The following STIMATE variants were observed in gnomAD, a reference collection of about 807,000 sequenced individuals.
STIMATE encodes store-operated calcium entry regulator STIMATE.
Under a neutral mutation model 36.7 loss-of-function variants are expected in STIMATE, and 15 were observed. That is an observed-to-expected ratio of 0.41 (90% confidence interval 0.27 to 0.63). STIMATE has a LOEUF of 0.63. Ranked by LOEUF, STIMATE falls within the 20% of genes least tolerant of loss-of-function variation. The pLI is 0.32. For missense variants in STIMATE, 305 were observed against 397.3 expected (o/e 0.77, Z 1.98); for synonymous variants, 163 against 162.3 (o/e 1.00, Z -0.03).
intron 1 of STIMATE, among the ~76,000 whole-genome samples, chr3:52,868,932 C>T (rs992647162): frequency 2.0e-5 from 3 of 152,080 alleles, no homozygotes; most frequent in African/African-American, 4.8e-5. Flanking sequence ...ACCTCAGGAA[C>T]GTTATATCAT....
At chr3:52,843,202 G>C in intron 6 of STIMATE, 1 of 691,238 alleles carries the variant, frequency 1.4e-6, no homozygotes, top group East Asian at 3.3e-5. Context: ...TTTTGTTGTG[G>C]TAACTAGGGG....
chr3:52,847,512 G>T, intron 4 of STIMATE: 1 of 1,289,786 alleles, frequency 7.8e-7, no homozygotes, highest in Non-Finnish European at 1.0e-6. Context: ...TTATTTCCCT[G>T]AGTCCCGCAT....
chr3:52,892,741 G>A (rs1241839778), intron 1 of STIMATE, among the ~76,000 whole-genome samples: 3 of 152,192 alleles, frequency 2.0e-5, no homozygotes, highest in Admixed American at 6.5e-5. Context: ...GTACCTTTAC[G>A]AGGGAGAGAC....
At chr3:52,877,172 T>G (rs1444925056) in intron 1 of STIMATE, among the ~76,000 whole-genome samples, 1 of 152,220 alleles carries the variant, frequency 6.6e-6, no homozygotes, top group Admixed American at 6.5e-5. Context: ...CTCACGCTTT[T>G]GGGCAACCCA....
chr3:52,880,661 C>T lies in STIMATE; in HGVS notation c.160+16630G>A, dbSNP rs1403240302. Reference sequence around the variant, plus strand: ...AAAGGGCTCATAGGAAAAGGGAGATCCATCAACTGCCTCCTTACAAAGGAG... The same window carrying T: ...AAAGGGCTCATAGGAAAAGGGAGATTCATCAACTGCCTCCTTACAAAGGAG... On this transcript the variant is annotated intron_variant, in intron 1 of 7. Coordinates refer to ENST00000355083, the MANE Select transcript of STIMATE (RefSeq NM_198563.5). 2.0e-5 allele frequency among the ~76,000 whole-genome samples: 3 copies of T among 152,250 alleles called. No individual in the cohort carries two copies. The East Asian group carries it at 5.8e-4, about 29-fold the overall frequency.
intron 5 of STIMATE, among the ~76,000 whole-genome samples, chr3:52,844,337 C>T (rs1327083962): frequency 6.6e-6 from 1 of 152,142 alleles, no homozygotes; most frequent in Non-Finnish European, 1.5e-5. Context: ...TGTGGGCATT[C>T]GGGGATGAGG....
intron 1 of STIMATE, among the ~76,000 whole-genome samples, chr3:52,892,457 T>C (rs1029665781): frequency 6.6e-6 from 1 of 152,126 alleles, no homozygotes; most frequent in African/African-American, 2.4e-5. Flanking sequence ...CAACACCAGC[T>C]TGGCATGAAA....
At chr3:52,840,646 C>T (rs1700780947) in intron 7 of STIMATE, 36 bp from the exon 8 acceptor site, 2 of 1,591,040 alleles carry the variant, frequency 1.3e-6, no homozygotes, top group Non-Finnish European at 1.7e-6. Context: ...GAGTCACCCC[C>T]AGCAGGGCCT....
At chr3:52,883,189 T>C (rs757298136) in intron 1 of STIMATE, among the ~76,000 whole-genome samples, 2 of 152,210 alleles carry the variant, frequency 1.3e-5, no homozygotes, top group Non-Finnish European at 2.9e-5. Context: ...TCTGCTTTCA[T>C]TTATAAAAGG....
intron 2 of STIMATE, among the ~76,000 whole-genome samples, chr3:52,854,367 A>G (rs1191095571): frequency 1.3e-5 from 2 of 152,144 alleles, no homozygotes; most frequent in East Asian, 3.9e-4. Flanking sequence ...CTAATCCCCC[A>G]CCCTCCAGGG....
At chr3:52,877,234 C>A (rs2106712637) in intron 1 of STIMATE, among the ~76,000 whole-genome samples, 1 of 152,338 alleles carries the variant, frequency 6.6e-6, no homozygotes, top group East Asian at 1.9e-4. Flanking sequence ...AGGAAGAAAG[C>A]CCATGTTTAC....
At chr3:52,843,354 C>T (rs910056347) in intron 6 of STIMATE, among the ~76,000 whole-genome samples, 12 of 152,114 alleles carry the variant, frequency 7.9e-5, no homozygotes, top group African/African-American at 2.2e-4. Flanking sequence ...TTCTTAACTT[C>T]GAGCCATTGT....
At chr3:52,871,843 C>A (rs1440609649) in intron 1 of STIMATE, among the ~76,000 whole-genome samples, 1 of 152,118 alleles carries the variant, frequency 6.6e-6, no homozygotes, top group African/African-American at 2.4e-5. Context: ...ACAAACACAA[C>A]CCCCCCATGC....
At chr3:52,869,791 A>G (rs1053331711) in intron 1 of STIMATE, among the ~76,000 whole-genome samples, 2 of 152,220 alleles carry the variant, frequency 1.3e-5, no homozygotes, top group African/African-American at 4.8e-5. Context: ...GGCAGAGCTT[A>G]GTGTTTGCGA....
intron 2 of STIMATE, among the ~76,000 whole-genome samples, chr3:52,853,393 C>G (rs1483770651): frequency 6.6e-6 from 1 of 152,214 alleles, no homozygotes; most frequent in Non-Finnish European, 1.5e-5. Flanking sequence ...ACCCATGTGA[C>G]AGGAGCATGG....
intron 1 of STIMATE, among the ~76,000 whole-genome samples, chr3:52,884,526 G>A (rs1007890443): frequency 2.6e-5 from 4 of 152,154 alleles, no homozygotes; most frequent in South Asian, 4.1e-4. Flanking sequence ...GATTACAGGC[G>A]TGACCTACCG....
chr3:52,840,929 C>A (rs1700787116), intron 7 of STIMATE, among the ~76,000 whole-genome samples: 1 of 152,176 alleles, frequency 6.6e-6, no homozygotes, highest in East Asian at 1.9e-4. Flanking sequence ...TTGTCTCAAA[C>A]TGCTGACCTC....
chr3:52,856,017 T>A (rs955614233), intron 1 of STIMATE, among the ~76,000 whole-genome samples: 1 of 152,194 alleles, frequency 6.6e-6, no homozygotes, highest in Non-Finnish European at 1.5e-5. Context: ...GTATCTTCCA[T>A]CTTCCAGTGA....
At chr3:52,849,172 C>T (rs1373385872) in intron 4 of STIMATE, among the ~76,000 whole-genome samples, 6 of 152,198 alleles carry the variant, frequency 3.9e-5, no homozygotes, top group African/African-American at 1.2e-4. Context: ...TGATACTGAT[C>T]CACCTGGAAG....
Sources: gnomAD v4.1 joint callset for allele counts (sites outside exome capture counted in the v4.1 genomes callset) on GRCh38, gnomAD v4.1.1 for gene constraint, MANE v1.5 for transcripts, NCBI Gene and HGNC (gene_info 2026-07-23, HGNC 2026-07-21) for gene names.